The following CHD4 variants were observed in gnomAD, a reference collection of about 807,000 sequenced individuals.
CHD4 encodes chromodomain helicase DNA binding protein 4.
In CHD4, 35 loss-of-function variants were observed where a neutral mutation model predicts 235.5. That is an observed-to-expected ratio of 0.15 (90% CI 0.11 to 0.20). CHD4 has a LOEUF of 0.20. CHD4 is among the 10% of genes least tolerant of loss of function. CHD4 has a pLI of 1.00. For missense variants in CHD4, 1,329 were observed against 2,432.3 expected (o/e 0.55, Z 9.54); for synonymous variants, 900 against 850.2 (o/e 1.06, Z -1.02).
At chr12:6,600,724 G>C (rs141878949) in intron 7 of CHD4, 55 bp from the exon 8 acceptor site, 1 of 1,600,678 alleles carries the variant, frequency 6.2e-7, no homozygotes, top group Non-Finnish European at 8.5e-7. Context: ...GAAGGACAGA[G>C]TGGCAGAGAG....
chr12:6,605,577 A>G (rs1303086438), intron 2 of CHD4, among the ~76,000 whole-genome samples: 1 of 152,156 alleles, frequency 6.6e-6, no homozygotes, highest in Non-Finnish European at 1.5e-5. Context: ...GACAGAAGCC[A>G]CTAGGAAAAA....
intron 12 of CHD4, among the ~76,000 whole-genome samples, chr12:6,596,825 T>C (rs1172779138): frequency 2.7e-5 from 4 of 149,768 alleles, no homozygotes; most frequent in African/African-American, 9.8e-5. Context: ...GCAGGCGTGG[T>C]GGCACACGCC....
chr12:6,582,813 ACACT>A, intron 28 of CHD4, 31 bp downstream of exon 28: 1 of 1,613,958 alleles, frequency 6.2e-7, no homozygotes, highest in South Asian at 1.1e-5. Context: ...GCAATATCTG[ACACT>A]CACCCCTCCT....
rs752892972 is a variant in CHD4, at chr12:6,581,186, A to C, written c.4780-13T>G. The C allele has an allele frequency of 5.6e-6, 9 of 1,610,328 alleles. No homozygotes were observed. In the East Asian group the frequency reaches 1.6e-4, roughly 28 times the overall value. On this transcript the variant is annotated splice_polypyrimidine_tract_variant and intron_variant, in intron 32 of 39. Coordinates refer to ENST00000544040, the MANE Select transcript of CHD4 (RefSeq NM_001273.5). ...GGGCCTGTGTACACTTCAAAGGAAA[A>C]AAAAACAAAAACAAAACAGATGAAG...
intron 33 of CHD4, chr12:6,580,704 GAA>G (rs57266458): frequency 4.7e-3 from 202 of 43,374 alleles, no homozygotes; most frequent in South Asian, 1.0e-2. Context: ...AAACTCCTTT[GAA>G]AAAAAAAAAA....
At chr12:6,584,389 T>C (rs1273994814) in intron 25 of CHD4, 2 of 152,128 alleles carry the variant, frequency 1.3e-5, no homozygotes, top group Non-Finnish European at 2.9e-5. Flanking sequence ...GATACGTGTG[T>C]GTACATATAA....
intron 6 of CHD4, 32 bp from the exon 7 acceptor site, chr12:6,601,085 C>G: frequency 2.6e-6 from 4 of 1,533,956 alleles, no homozygotes; most frequent in Non-Finnish European, 2.6e-6. Flanking sequence ...ATATATACCA[C>G]AAGACCAAAG....
intron 12 of CHD4, 53 bp downstream of exon 12, chr12:6,597,841 T>G: frequency 6.6e-7 from 1 of 1,513,032 alleles, no homozygotes; most frequent in Non-Finnish European, 9.2e-7. Context: ...CCCAATCTCT[T>G]TAGCAGGACT....
At chr12:6,574,558 T>A (rs1948035796) in intron 37 of CHD4, among the ~76,000 whole-genome samples, 1 of 152,232 alleles carries the variant, frequency 6.6e-6, no homozygotes, top group South Asian at 2.1e-4. Flanking sequence ...AGATTTCTCA[T>A]ACCCTTCTCC....
intron 10 of CHD4, among the ~76,000 whole-genome samples, 174 bp from the exon 11 acceptor site, chr12:6,598,599 A>G (rs1225661796): frequency 9.2e-5 from 14 of 152,218 alleles, no homozygotes; most frequent in Admixed American, 8.5e-4. Flanking sequence ...TCACGAGGTC[A>G]AGAGATCGAG....
At chr12:6,599,619 G>A (rs1199308793) in intron 10 of CHD4, among the ~76,000 whole-genome samples, 154 bp downstream of exon 10, 1 of 152,090 alleles carries the variant, frequency 6.6e-6, no homozygotes, top group Non-Finnish European at 1.5e-5. Context: ...ATTTTCCCAG[G>A]ACAAAAGTAT....
intron 2 of CHD4, among the ~76,000 whole-genome samples, chr12:6,605,175 G>A (rs913893568): frequency 6.6e-6 from 1 of 152,156 alleles, no homozygotes; most frequent in African/African-American, 2.4e-5. Context: ...CTGAAGCTAA[G>A]AAGAGAGAAG....
rs1391491858 is a variant in CHD4 at position 6,601,701 on chromosome 12, T to C, written c.504A>G (p.Ser168=). ...WGMEDIDHVF[S]EEDYRTLTNY... is the part of the protein sequence containing the mutation. Reference sequence around the variant, plus strand: ...TGGTGAGGGTTCGATAATCCTCCTCTGAGAACACGTGGTCAATGTCTTCCA... The same window carrying C: ...TGGTGAGGGTTCGATAATCCTCCTCCGAGAACACGTGGTCAATGTCTTCCA... The change falls in exon 5 of 40, where the codon TCA becomes TCG. Residue 168 remains serine, a synonymous_variant. Transcript: ENST00000544040. 9 of 1,614,086 alleles carry C rather than the reference T, an allele frequency of 5.6e-6. No homozygotes were observed. The Admixed American group carries it at 1.0e-4, about 18-fold the overall frequency.
chr12:6,593,648 G>A lies in CHD4; in HGVS notation c.2314-32C>T. On this transcript the variant is annotated intron_variant, in intron 15 of 39. Coordinates refer to ENST00000544040, the MANE Select transcript of CHD4 (RefSeq NM_001273.5). The surrounding 1 kb of genome is among the most constrained non-coding windows in gnomAD (Gnocchi z 4.9). Reference sequence around the variant, plus strand: ...GAAAAAAGAGGAGAGTCAGGACTGAGGGCCCCAGCACACTGCAACCCCAGC... The same window carrying A: ...GAAAAAAGAGGAGAGTCAGGACTGAAGGCCCCAGCACACTGCAACCCCAGC... 1.2e-6 allele frequency: 2 copies of A among 1,605,250 alleles called. No individual in the cohort carries two copies. The highest frequency in any genetic ancestry group is 1.1e-5 in the South Asian group (1 of 90,826).
chr12:6,594,627 C>T lies in CHD4; in HGVS notation c.2145G>A (p.Gln715=). 2 of 1,613,628 alleles carry T rather than the reference C, an allele frequency of 1.2e-6. No individual in the cohort carries two copies. Among genetic ancestry groups the T allele is most frequent in the Non-Finnish European group, 1.7e-6 (2 of 1,179,796 alleles). The change falls in exon 15 of 40, where the codon CAG becomes CAA. Residue 715 remains glutamine, a synonymous_variant. Coordinates refer to ENST00000544040, the MANE Select transcript of CHD4 (RefSeq NM_001273.5). ...CACCTGTAGCATCCAGGTACTCTGGCTGTCGCTCATACTTCACTGTTGGCT... is the reference window on the plus strand; with the variant it reads ...CACCTGTAGCATCCAGGTACTCTGGTTGTCGCTCATACTTCACTGTTGGCT... ...TVDPTVKYER[Q]PEYLDATGGT... is the part of the protein sequence containing the mutation.
At chr12:6,583,597 A>G in intron 25 of CHD4, 1 of 497,918 alleles carries the variant, frequency 2.0e-6, no homozygotes. Context: ...CTCAAGAAAA[A>G]CATGGGATAG....
At position 6,600,263 on chromosome 12, in the gene CHD4, G is replaced by C; in HGVS notation, c.1196C>G (p.Pro399Arg). 6.2e-7 allele frequency: 1 copy of C among 1,614,160 alleles called. No individual in the cohort carries two copies. Among genetic ancestry groups the C allele is most frequent in the Non-Finnish European group, 8.5e-7 (1 of 1,180,038 alleles). Residue 399 changes from proline to arginine, a missense_variant, in exon 9 of 40, where the codon CCC becomes CGC. By Grantham distance (103) the Pro-to-Arg change is moderately radical. Around this residue, in one of 26 missense-constraint regions of CHD4, gnomAD observed 13 missense variants for 56.5 expected, o/e 0.23. Coordinates refer to ENST00000544040, the MANE Select transcript of CHD4 (RefSeq NM_001273.5). ...PRAYHMVCLDPDMEKAPEGKW... is the reference protein window; with the variant it reads ...PRAYHMVCLDRDMEKAPEGKW... ...GCCCTCGGGAGCCTTCTCCATGTCG[G>C]GATCCAGGCAGACCATGTGGTAAGC...
At chr12:6,603,519 G>C (rs1388080388) in intron 2 of CHD4, among the ~76,000 whole-genome samples, 1 of 139,074 alleles carries the variant, frequency 7.2e-6, no homozygotes, top group Non-Finnish European at 1.5e-5. Flanking sequence ...ACATAGGACA[G>C]ACAGGAAGTG....
chr12:6,573,282 T>C lies in CHD4; in HGVS notation c.5362-13A>G, dbSNP rs1948010987. 1.3e-6 allele frequency: 2 copies of C among 1,534,654 alleles called. No individual in the cohort carries two copies. The highest frequency in any genetic ancestry group is 2.6e-5 in the South Asian group (2 of 77,122). On this transcript the variant is annotated splice_polypyrimidine_tract_variant and intron_variant, in intron 37 of 39. Transcript: ENST00000544040. ...CTTGTTCTAAGAGCTGGACAAGGGA[T>C]AAGAGGAAACGGGAGTTCGACTGAT...
Sources: allele counts gnomAD v4.1 joint callset (sites outside exome capture counted in the v4.1 genomes callset), GRCh38; gene constraint gnomAD v4.1.1; regional missense constraint gnomAD v4.1.1; non-coding constraint Gnocchi (gnomAD v3.1); transcripts MANE v1.5; gene names NCBI Gene and HGNC (gene_info 2026-07-23, HGNC 2026-07-21).